SKA2: variants seen among roughly 807,000 people sequenced by gnomAD.
SKA2 encodes the protein spindle and kinetochore associated complex subunit 2.
Under a neutral mutation model 16.9 loss-of-function variants are expected in SKA2, and 13 were observed. That is an observed-to-expected ratio of 0.77 (90% confidence interval 0.50 to 1.22). SKA2 has a LOEUF of 1.22. SKA2 is among the 50% of genes most tolerant of loss of function. SKA2 has a pLI of 0.00. For synonymous variants in SKA2, 47 were observed against 48.5 expected (o/e 0.97, Z 0.13); for missense variants, 107 against 139.7 (o/e 0.77, Z 1.18).
chr17:59,143,028 C>T (rs983805208), intron 1 of SKA2, among the ~76,000 whole-genome samples: 9 of 152,046 alleles, frequency 5.9e-5, no homozygotes, highest in African/African-American at 2.2e-4. Context: ...CCTGCCTCAG[C>T]CTCCCAAAGT....
At chr17:59,150,298 T>C (rs1160946583) in intron 1 of SKA2, among the ~76,000 whole-genome samples, 2 of 152,242 alleles carry the variant, frequency 1.3e-5, no homozygotes, top group African/African-American at 2.4e-5. Flanking sequence ...ACTTTTATTT[T>C]ATATAATTGT....
intron 3 of SKA2, chr17:59,118,019 C>T (rs1376972673): frequency 1.3e-5 from 2 of 152,256 alleles, no homozygotes; most frequent in Non-Finnish European, 2.9e-5. Context: ...AATCCCAGCA[C>T]TTTGGGAGGC....
rs2046266837 is a variant in SKA2 at position 59,112,045 on chromosome 17, A to G, written c.*232T>C. ...TGTGTGTGTGCATGCGTGTGTACAT[A>G]TATTTAAATCGTTTTATTCTCATTT... is the stretch of plus-strand genomic sequence containing the variant. On this transcript the variant is annotated 3_prime_UTR_variant, in exon 4 of 4. Transcript: ENST00000330137. 3.9e-6 allele frequency: 2 copies of G among 506,812 alleles called. No homozygotes were observed. Among genetic ancestry groups the G allele is most frequent in the African/African-American group, 3.9e-5 (2 of 50,732 alleles). 31.4% of individuals were successfully genotyped at this position (506,812 alleles called of 1,614,324 possible). A position where few individuals can be genotyped will look rare whatever the true frequency, so the allele number is the denominator to read the frequency against.
chr17:59,138,588 G>T (rs922682796), intron 1 of SKA2, among the ~76,000 whole-genome samples: 2 of 151,824 alleles, frequency 1.3e-5, no homozygotes, highest in Non-Finnish European at 2.9e-5. Context: ...ACGCCACAAC[G>T]CCTAGTAAAT....
At chr17:59,123,749 T>C (rs1481549068) in intron 2 of SKA2, among the ~76,000 whole-genome samples, 1 of 150,716 alleles carries the variant, frequency 6.6e-6, no homozygotes, top group African/African-American at 2.5e-5. Context: ...TAACAGCTAA[T>C]GTATAGCACT....
intron 1 of SKA2, 57 bp from the exon 2 acceptor site, chr17:59,131,424 T>C (rs1599668368): frequency 1.8e-6 from 2 of 1,138,922 alleles, no homozygotes; most frequent in East Asian, 2.7e-5. Context: ...GTAAACATGA[T>C]ACTTTATTCT....
intron 3 of SKA2, among the ~76,000 whole-genome samples, chr17:59,113,441 C>T (rs993264960): frequency 2.9e-4 from 44 of 151,514 alleles, no homozygotes; most frequent in African/African-American, 9.9e-4. Context: ...GAGAATCCCT[C>T]GAACCTGGGA....
intron 3 of SKA2, among the ~76,000 whole-genome samples, chr17:59,116,352 G>A (rs956133402): frequency 1.3e-5 from 2 of 152,100 alleles, no homozygotes; most frequent in Non-Finnish European, 2.9e-5. Flanking sequence ...CAGCCTCGGC[G>A]ACAGAGGGAG....
At chr17:59,134,971 A>G (rs893303177) in intron 1 of SKA2, among the ~76,000 whole-genome samples, 3 of 152,094 alleles carry the variant, frequency 2.0e-5, no homozygotes, top group African/African-American at 7.2e-5. Flanking sequence ...AGTAGCTGGG[A>G]CTACAGGCAC....
intron 3 of SKA2, among the ~76,000 whole-genome samples, chr17:59,113,967 G>C (rs1349415930): frequency 6.6e-6 from 1 of 152,120 alleles, no homozygotes; most frequent in Non-Finnish European, 1.5e-5. Context: ...TAATATCCTG[G>C]ATAGTGCCTT....
At chr17:59,115,503 ACAAT>A (rs2046290440) in intron 3 of SKA2, among the ~76,000 whole-genome samples, 1 of 152,166 alleles carries the variant, frequency 6.6e-6, no homozygotes, top group African/African-American at 2.4e-5. Flanking sequence ...AAACTGAAAA[ACAAT>A]CATACGTCTT....
chr17:59,132,489 C>T (rs2046418134), intron 1 of SKA2, among the ~76,000 whole-genome samples: 1 of 152,194 alleles, frequency 6.6e-6, no homozygotes, highest in Admixed American at 6.5e-5. Flanking sequence ...CATGGCAAAA[C>T]CCCATCTCTA....
At chr17:59,141,648 C>T (rs986149705) in intron 1 of SKA2, among the ~76,000 whole-genome samples, 1 of 149,478 alleles carries the variant, frequency 6.7e-6, no homozygotes, top group African/African-American at 2.5e-5. Context: ...GGCTTGAGCC[C>T]GGGAGGTCCA....
At chr17:59,122,254 G>A (rs775533724) in intron 2 of SKA2, among the ~76,000 whole-genome samples, 2 of 152,030 alleles carry the variant, frequency 1.3e-5, no homozygotes. Flanking sequence ...CGGGAGGATC[G>A]CTTGAGGTCA....
intron 3 of SKA2, among the ~76,000 whole-genome samples, chr17:59,115,830 C>A (rs531025199): frequency 3.3e-5 from 5 of 152,280 alleles, no homozygotes; most frequent in African/African-American, 1.2e-4. Context: ...TTAATAAATT[C>A]TCAAAGAATT....
intron 1 of SKA2, chr17:59,137,891 G>A: frequency 2.0e-6 from 1 of 489,124 alleles, no homozygotes; most frequent in Non-Finnish European, 4.1e-6. Flanking sequence ...TAGTTAGATG[G>A]CAGAAATTCA....
chr17:59,120,124 G>T (rs981589101), intron 2 of SKA2, among the ~76,000 whole-genome samples: 1 of 151,974 alleles, frequency 6.6e-6, no homozygotes, highest in African/African-American at 2.4e-5. Flanking sequence ...TAGCAAGGAT[G>T]GTCTCAATCT....
chr17:59,155,087 G>A (rs2147827201), intron 1 of SKA2, 44 bp downstream of exon 1: 1 of 1,614,024 alleles, frequency 6.2e-7, no homozygotes, highest in African/African-American at 1.3e-5. Context: ...AGGCCATGGG[G>A]GAAAAATAAA....
chr17:59,141,807 T>G (rs531358453), intron 1 of SKA2, among the ~76,000 whole-genome samples: 11 of 151,324 alleles, frequency 7.3e-5, no homozygotes, highest in African/African-American at 2.7e-4. Flanking sequence ...GCTTAAAAAC[T>G]GATCATTTAT....
Sources: gnomAD v4.1 joint callset for allele counts (sites outside exome capture counted in the v4.1 genomes callset) on GRCh38, gnomAD v4.1.1 for gene constraint, MANE v1.5 for transcripts, NCBI Gene and HGNC (gene_info 2026-07-23, HGNC 2026-07-21) for gene names.